CDH11: variants seen among roughly 807,000 people sequenced by gnomAD.
The protein encoded by CDH11 is cadherin-11.
A neutral mutation model predicts 67.8 loss-of-function variants in CDH11; 11 were observed. The ratio of observed to expected loss-of-function variants is 0.16; its 90% confidence interval spans 0.10 to 0.27. The LOEUF (loss-of-function observed/expected upper bound fraction) is 0.27, where lower values mean the gene tolerates loss of function less well. Ranked by LOEUF, CDH11 falls within the 10% of genes least tolerant of loss-of-function variation. The pLI is 1.00. For missense variants in CDH11, 847 were observed against 1,031.2 expected, an observed-to-expected ratio of 0.82 and a Z score of 2.45; for synonymous variants, 419 against 400.0, an observed-to-expected ratio of 1.05 and a Z score of -0.57.
chr16:65,111,036 G>T (rs999969650), intron 1 of CDH11, among the ~76,000 whole-genome samples: 1 of 152,102 alleles, frequency 6.6e-6, no homozygotes, highest in African/African-American at 2.4e-5. Flanking sequence ...CATTGCCATT[G>T]CTTTGTTCTG....
intron 2 of CDH11, among the ~76,000 whole-genome samples, chr16:65,011,089 CA>C (rs1313857257): frequency 7.8e-6 from 1 of 128,666 alleles, no homozygotes; most frequent in African/African-American, 3.1e-5. Flanking sequence ...TATACACACA[CA>C]TATTTTTTAT....
At chr16:65,029,184 G>A (rs2142611925) in intron 2 of CDH11, among the ~76,000 whole-genome samples, 1 of 152,014 alleles carries the variant, frequency 6.6e-6, no homozygotes, top group South Asian at 2.1e-4. Flanking sequence ...CATTACACAG[G>A]ATCCTAATTA....
chr16:65,115,659 G>A (rs2075230114), intron 1 of CDH11, among the ~76,000 whole-genome samples: 1 of 126,904 alleles, frequency 7.9e-6, no homozygotes, highest in African/African-American at 3.0e-5. Context: ...CACATACTTT[G>A]TAAGTAATGG....
intron 1 of CDH11, among the ~76,000 whole-genome samples, chr16:65,086,174 A>G (rs1209563134): frequency 6.6e-6 from 1 of 152,234 alleles, no homozygotes; most frequent in East Asian, 1.9e-4. Flanking sequence ...AGAAATTGGG[A>G]TCTGAAGCTA....
intron 2 of CDH11, among the ~76,000 whole-genome samples, chr16:65,015,362 A>C (rs1209693806): frequency 3.9e-5 from 6 of 152,022 alleles, no homozygotes; most frequent in African/African-American, 1.4e-4. Context: ...ACATTGAGCT[A>C]TTAGTCCTTT....
intron 11 of CDH11, chr16:64,968,414 T>C (rs1014674564): frequency 1.0e-6 from 1 of 984,784 alleles, no homozygotes; most frequent in African/African-American, 1.7e-5. Context: ...GCCTGGTATT[T>C]TCAAAGTAAA....
chr16:64,996,316 C>T (rs1403687662), intron 4 of CDH11, among the ~76,000 whole-genome samples: 1 of 151,962 alleles, frequency 6.6e-6, no homozygotes, highest in African/African-American at 2.4e-5. Context: ...ATGGCAAAAC[C>T]CCTGTGTACT....
Position 64,946,959 on chromosome 16 carries a change from T to C in CDH11, c.*644A>G. The C allele has an allele frequency of 2.2e-6, 2 of 914,878 alleles. No individual in the cohort carries two copies. The highest frequency in any genetic ancestry group is 2.7e-6 in the Non-Finnish European group (2 of 754,376). 56.7% of individuals were successfully genotyped at this position (914,878 alleles called of 1,614,324 possible). A position where few individuals can be genotyped will look rare whatever the true frequency, so the allele number is the denominator to read the frequency against. Reference sequence around the variant, plus strand: ...TTTAAAATTGTACAAATAGATACATTAAAAATGACATAGAAATAGGGCGTC... The same window carrying C: ...TTTAAAATTGTACAAATAGATACATCAAAAATGACATAGAAATAGGGCGTC... On this transcript the variant is annotated 3_prime_UTR_variant, in exon 13 of 13. Transcript: ENST00000268603.
intron 7 of CDH11, 61 bp downstream of exon 7, chr16:64,988,095 CA>C (rs2072530891): frequency 7.6e-7 from 1 of 1,316,706 alleles, no homozygotes; most frequent in Non-Finnish European, 1.0e-6. Context: ...CTGTTTCTTG[CA>C]GTGTTGCCTT....
In CDH11 at chr16:64,956,841, A is replaced by G. The variant is rs143829274; in HGVS notation, c.1643-5823T>C. ...ATGGTACCAGTTGGGGAATACCAAT[A>G]TAGGGGTTAGATGATGATGTAGCCC... On this transcript the variant is annotated intron_variant, in intron 11 of 12. Coordinates refer to ENST00000268603, the MANE Select transcript of CDH11 (RefSeq NM_001797.4). Among the ~76,000 whole-genome samples, 147 of 152,260 alleles carry G rather than the reference A, an allele frequency of 9.7e-4. 1 individual carries two copies. Among genetic ancestry groups the G allele is most frequent in the African/African-American group, 3.4e-3 (142 of 41,548 alleles).
chr16:64,947,794 C>T lies in CDH11; in HGVS notation c.2200G>A (p.Ala734Thr), dbSNP rs2071233674. 3 of 1,614,148 alleles carry T rather than the reference C, an allele frequency of 1.9e-6. No individual in the cohort carries two copies. Among genetic ancestry groups the T allele is most frequent in the East Asian group, 2.2e-5 (1 of 44,870 alleles). ...ATTTGAATGGAGTCATAAGGAGGAG[C>T]CGTGGGGTCATTGTCTGCCTCCTGT... ...RIQEADNDPT[A>T]PPYDSIQIYG... The change falls in exon 13 of 13, where the codon GCT becomes ACT. Residue 734 changes from alanine (A) to threonine (T), a missense_variant. By Grantham distance (58) the Ala-to-Thr change is moderately conservative. Coordinates refer to ENST00000268603, the MANE Select transcript of CDH11 (RefSeq NM_001797.4).
intron 8 of CDH11, among the ~76,000 whole-genome samples, chr16:64,978,613 A>T (rs77877720): frequency 0.03 from 4,549 of 152,318 alleles, 87 homozygotes; most frequent in Middle Eastern, 0.061. Context: ...AATCAACAGT[A>T]CAAAACAATC....
chr16:64,953,698 T>C (rs900239617), intron 11 of CDH11, among the ~76,000 whole-genome samples: 6 of 152,146 alleles, frequency 3.9e-5, no homozygotes, highest in African/African-American at 1.2e-4. Flanking sequence ...ATTCAAAATA[T>C]ATTTTCTCTT....
At chr16:65,022,592 A>G (rs933501558) in intron 2 of CDH11, among the ~76,000 whole-genome samples, 1 of 152,222 alleles carries the variant, frequency 6.6e-6, no homozygotes, top group Non-Finnish European at 1.5e-5. Context: ...TAAAGTTACA[A>G]TAAGTAAAGA....
chr16:65,032,608 G>A (rs747325735), intron 2 of CDH11, among the ~76,000 whole-genome samples: 25 of 152,182 alleles, frequency 1.6e-4, no homozygotes, highest in East Asian at 1.2e-3. Flanking sequence ...TGTGCCAAGC[G>A]TTCTCTAAGT....
At chr16:65,042,832 T>C (rs1005484690) in intron 2 of CDH11, among the ~76,000 whole-genome samples, 5 of 152,170 alleles carry the variant, frequency 3.3e-5, no homozygotes, top group Non-Finnish European at 7.3e-5. Flanking sequence ...TCCAAATCTA[T>C]TGTGGACAGA....
chr16:65,037,522 C>T (rs543548316), intron 2 of CDH11, among the ~76,000 whole-genome samples: 8 of 152,240 alleles, frequency 5.3e-5, no homozygotes, highest in South Asian at 4.1e-4. Flanking sequence ...GGTTTAAGTG[C>T]ATTAGAATTA....
intron 8 of CDH11, 87 bp downstream of exon 8, chr16:64,981,961 T>G (rs920755508): frequency 8.1e-7 from 1 of 1,242,046 alleles, no homozygotes; most frequent in Non-Finnish European, 1.1e-6. Context: ...TTTTTGAAAT[T>G]GAAAAACGTG....
chr16:64,969,797 T>G (rs939116891), intron 11 of CDH11, among the ~76,000 whole-genome samples: 5 of 152,226 alleles, frequency 3.3e-5, no homozygotes, highest in Admixed American at 3.3e-4. Context: ...TTTTAAATGT[T>G]CACTATGTGC....
Sources: allele counts gnomAD v4.1 joint callset (sites outside exome capture counted in the v4.1 genomes callset), GRCh38; gene constraint gnomAD v4.1.1; transcripts MANE v1.5; gene names NCBI Gene and HGNC (gene_info 2026-07-23, HGNC 2026-07-21).